Variants in EFCAB6 observed in about 807,000 individuals in gnomAD.
EFCAB6 encodes the protein EF-hand calcium-binding domain-containing protein 6.
A neutral mutation model predicts 169.8 loss-of-function variants in EFCAB6; 156 were observed. The observed-to-expected ratio is 0.92, with a 90% CI of 0.81 to 1.05. The LOEUF (loss-of-function observed/expected upper bound fraction) is 1.05, where lower values mean the gene tolerates loss of function less well. EFCAB6 is among the 50% of genes least tolerant of loss of function. EFCAB6 has a pLI of 0.00. For missense variants in EFCAB6, 1,800 were observed against 1,829.1 expected (o/e 0.98, Z 0.29); for synonymous variants, 698 against 676.4 (o/e 1.03, Z -0.50).
intron 8 of EFCAB6, 97 bp from the exon 9 acceptor site, chr22:43,717,069 A>G: frequency 7.3e-7 from 1 of 1,365,814 alleles, no homozygotes; most frequent in Non-Finnish European, 9.5e-7. Context: ...GTAAAAAAGG[A>G]AGGCTTGAAT....
Position 43,572,123 on chromosome 22 carries a change from G to A in EFCAB6, c.3420+4174C>T, listed in dbSNP as rs776213877. ...CTGCATCCACGGTTCCTAGTCCACC[G>A]TGGTTAGTCCCTGTCTCAAGCACAT... On this transcript the variant is annotated intron_variant, in intron 26 of 31. Coordinates refer to ENST00000262726, the MANE Select transcript of EFCAB6 (RefSeq NM_022785.4). The surrounding 1 kb of genome is among the most constrained non-coding windows in gnomAD (Gnocchi z 4.0). Among the ~76,000 whole-genome samples, 76 of 152,182 alleles carry A rather than the reference G, an allele frequency of 5.0e-4. 1 individual carries two copies. The highest frequency in any genetic ancestry group is 9.7e-4 in the Non-Finnish European group (66 of 68,032).
intron 24 of EFCAB6, among the ~76,000 whole-genome samples, chr22:43,587,334 G>GT (rs1475915330): frequency 1.3e-5 from 2 of 152,166 alleles, no homozygotes; most frequent in Non-Finnish European, 2.9e-5. Context: ...ACACTGACTT[G>GT]TTAGTTTCCT....
At chr22:43,777,253 C>T (rs1380880815) in intron 3 of EFCAB6, among the ~76,000 whole-genome samples, 2 of 152,102 alleles carry the variant, frequency 1.3e-5, no homozygotes, top group African/African-American at 2.4e-5. Flanking sequence ...TCTGAGATGC[C>T]GGTTAGATGC....
intron 17 of EFCAB6, among the ~76,000 whole-genome samples, chr22:43,665,143 G>A (rs1021891859): frequency 4.6e-5 from 7 of 152,268 alleles, no homozygotes; most frequent in African/African-American, 1.4e-4. Flanking sequence ...TAGGCGGAGC[G>A]GCCCCTCTTT....
At position 43,765,381 on chromosome 22, in the gene EFCAB6, T is replaced by A. The variant is rs34459061; in HGVS notation, c.364A>T (p.Thr122Ser). ...GCAAGGTACGGTACAGTACCAGAGG[T>A]GCTAAGGGGGATCTACAGTCAAGGG... The part of the protein sequence containing the change: ...QDVLAQIPLS[T>S]SGTVPYLAFL... The change falls in exon 5 of 32, where the codon ACC (threonine) becomes TCC (serine). Residue 122 changes from threonine (T) to serine (S), a missense_variant. Physicochemically the swap from Thr to Ser is moderately conservative, Grantham distance 58. Coordinates refer to ENST00000262726, the MANE Select transcript of EFCAB6 (RefSeq NM_022785.4). 8.8e-3 allele frequency: 14,162 copies of A among 1,610,908 alleles called. 90 individuals are homozygous for A. The highest frequency in any genetic ancestry group is 0.01 in the Non-Finnish European group (12,224 of 1,178,060).
chr22:43,542,976 C>G, intron 27 of EFCAB6, among the ~76,000 whole-genome samples: 1 of 152,126 alleles, frequency 6.6e-6, no homozygotes, highest in East Asian at 1.9e-4. Context: ...CCAGCTGAAC[C>G]CTGAGAAAGA....
At chr22:43,734,769 CAG>C (rs2147656918) in intron 7 of EFCAB6, among the ~76,000 whole-genome samples, 1 of 152,092 alleles carries the variant, frequency 6.6e-6, no homozygotes, top group East Asian at 1.9e-4. Context: ...AAAAGAGAAA[CAG>C]ATGCTATTTT....
At chr22:43,535,213 C>A in intron 29 of EFCAB6, 1 of 215,512 alleles carries the variant, frequency 4.6e-6, no homozygotes, top group Non-Finnish European at 9.0e-6. Context: ...GTGTGAGGAG[C>A]AGGGGAAGGT....
Position 43,669,022 on chromosome 22 carries a change from A to G in EFCAB6, c.1664T>C (p.Ile555Thr). Reference sequence around the variant, plus strand: ...CTTGTAAAGGATTCTTCCTGAACCAATGTCCTGAATCTTACTGCAGAGTCT... The same window carrying G: ...CTTGTAAAGGATTCTTCCTGAACCAGTGTCCTGAATCTTACTGCAGAGTCT... ...FIKLCSKIQD[I>T]GSGRILYKKL... is the part of the protein sequence containing the mutation. The change falls in exon 16 of 32, where the codon ATT becomes ACT. Residue 555 changes from isoleucine (I) to threonine (T), a missense_variant. By Grantham distance (89) the Ile-to-Thr change is moderately conservative. Coordinates refer to ENST00000262726, the MANE Select transcript of EFCAB6 (RefSeq NM_022785.4). 2 of 1,609,568 alleles carry G rather than the reference A, an allele frequency of 1.2e-6. No homozygotes were observed. The highest frequency in any genetic ancestry group is 1.1e-5 in the South Asian group (1 of 89,818).
intron 24 of EFCAB6, among the ~76,000 whole-genome samples, chr22:43,582,561 A>T (rs1015712704): frequency 6.6e-6 from 1 of 152,248 alleles, no homozygotes; most frequent in Admixed American, 6.5e-5. Flanking sequence ...TTATGAGATT[A>T]CTTCAGGAAG....
chr22:43,635,705 T>C (rs2055340036), intron 17 of EFCAB6, among the ~76,000 whole-genome samples: 1 of 152,176 alleles, frequency 6.6e-6, no homozygotes, highest in Non-Finnish European at 1.5e-5. Context: ...TGGCCATCCA[T>C]GAATGCTCTT....
chr22:43,546,236 T>C (rs184792277), intron 27 of EFCAB6, among the ~76,000 whole-genome samples: 40 of 152,264 alleles, frequency 2.6e-4, no homozygotes, highest in African/African-American at 9.1e-4. Context: ...AATATAATCA[T>C]TGATAAATTT....
intron 17 of EFCAB6, among the ~76,000 whole-genome samples, chr22:43,657,115 C>A (rs1004632296): frequency 6.2e-5 from 9 of 144,336 alleles, no homozygotes; most frequent in African/African-American, 2.2e-4. Flanking sequence ...CTTGGGGAAA[C>A]CCTGTTTCTA....
chr22:43,635,239 G>T, intron 17 of EFCAB6, 23 bp from the exon 18 acceptor site: 1 of 1,579,288 alleles, frequency 6.3e-7, no homozygotes, highest in Non-Finnish European at 8.7e-7. Context: ...ACAGGGGAGG[G>T]TGGAGAGGCG....
At chr22:43,768,743 C>T (rs1021794216) in intron 4 of EFCAB6, among the ~76,000 whole-genome samples, 4 of 152,192 alleles carry the variant, frequency 2.6e-5, no homozygotes, top group Admixed American at 6.5e-5. Flanking sequence ...AAAACAGATA[C>T]ACATTTCATA....
chr22:43,532,350 G>GGTGT (rs2047125163), intron 30 of EFCAB6, among the ~76,000 whole-genome samples: 1 of 152,246 alleles, frequency 6.6e-6, no homozygotes, highest in Non-Finnish European at 1.5e-5. Context: ...AGGCGGCACT[G>GGTGT]GTGTGCTCTT....
At chr22:43,622,229 T>G (rs1039626875) in intron 20 of EFCAB6, among the ~76,000 whole-genome samples, 1 of 152,316 alleles carries the variant, frequency 6.6e-6, no homozygotes, top group Middle Eastern at 3.4e-3. Flanking sequence ...CTTTTATTAT[T>G]CTTAGATGTC....
At chr22:43,606,700 A>G (rs761652698) in intron 22 of EFCAB6, among the ~76,000 whole-genome samples, 1 of 152,242 alleles carries the variant, frequency 6.6e-6, no homozygotes, top group African/African-American at 2.4e-5. Flanking sequence ...GAGGTCAACT[A>G]AACAATAGTG....
At chr22:43,648,264 G>T (rs962290659) in intron 17 of EFCAB6, among the ~76,000 whole-genome samples, 1 of 152,106 alleles carries the variant, frequency 6.6e-6, no homozygotes, top group African/African-American at 2.4e-5. Context: ...TTATTAAGAA[G>T]CAGAGCTGAG....
Sources: gnomAD v4.1 joint callset for allele counts (sites outside exome capture counted in the v4.1 genomes callset) on GRCh38, gnomAD v4.1.1 for gene constraint, Gnocchi (gnomAD v3.1) non-coding constraint, MANE v1.5 for transcripts, NCBI Gene and HGNC (gene_info 2026-07-23, HGNC 2026-07-21) for gene names.